Variants in TSFM observed in about 807,000 individuals in gnomAD.
TSFM encodes the protein Ts translation elongation factor, mitochondrial, also known as elongation factor Ts, mitochondrial.
Under a neutral mutation model 33.4 loss-of-function variants are expected in TSFM, and 29 were observed. The ratio of observed to expected loss-of-function variants is 0.87; its 90% CI spans 0.65 to 1.18. TSFM has a LOEUF of 1.18. TSFM is among the 50% of genes most tolerant of loss of function. The pLI, the probability that TSFM is intolerant of heterozygous loss-of-function variation, is 0.00. For missense variants in TSFM, 394 were observed against 395.6 expected, an observed-to-expected ratio of 1.00 and a Z score of 0.04; for synonymous variants, 178 against 163.5, an observed-to-expected ratio of 1.09 and a Z score of -0.68.
intron 5 of TSFM, among the ~76,000 whole-genome samples, chr12:57,794,051 T>C (rs1763337365): frequency 6.6e-6 from 1 of 152,244 alleles, no homozygotes; most frequent in South Asian, 2.1e-4. Context: ...GGGAATTTAC[T>C]AATCTGAAGT....
At chr12:57,782,932 C>G (rs1955531928) in intron 1 of TSFM, 74 bp downstream of exon 1, 1 of 1,513,532 alleles carries the variant, frequency 6.6e-7, no homozygotes, top group Non-Finnish European at 8.9e-7. Flanking sequence ...TTCCCTTCCT[C>G]CCAACCTCGT....
chr12:57,798,899 G>A (rs974819904), downstream of TSFM, among the ~76,000 whole-genome samples: 1 of 152,148 alleles, frequency 6.6e-6, no homozygotes, highest in African/African-American at 2.4e-5. Context: ...ACAGGTATGA[G>A]CCACCGTGCC....
chr12:57,790,126 C>T (rs1237055005), intron 4 of TSFM, among the ~76,000 whole-genome samples: 3 of 140,816 alleles, frequency 2.1e-5, no homozygotes, highest in Non-Finnish European at 4.5e-5. Context: ...TGCAGTGGCG[C>T]GATCTTGGCT....
In TSFM at chr12:57,792,654, A is replaced by G. The variant is rs4608121; in HGVS notation, c.484-332A>G. On this transcript the variant is annotated intron_variant, in intron 4 of 5. Transcript: ENST00000652027. ...GTTTCCCCGGCTGGAGTGCATTGGCATAATCTGAGCTCAGTGCAACCTCCG... is the reference window on the plus strand; with the variant it reads ...GTTTCCCCGGCTGGAGTGCATTGGCGTAATCTGAGCTCAGTGCAACCTCCG... Among the ~76,000 whole-genome samples, 52 of 151,268 alleles carry G rather than the reference A, an allele frequency of 3.4e-4. 1 individual carries two copies. The highest frequency in any genetic ancestry group is 3.4e-3 in the Admixed American group (51 of 15,188).
intron 2 of TSFM, among the ~76,000 whole-genome samples, chr12:57,784,828 C>T (rs932468790): frequency 4.0e-5 from 6 of 149,874 alleles, no homozygotes; most frequent in Admixed American, 1.3e-4. Flanking sequence ...TGTGGTGAGC[C>T]GAGATCGTGC....
Position 57,783,264 on chromosome 12 carries a change from G to A in TSFM, c.212G>A (p.Cys71Tyr). 2 of 1,613,802 alleles carry A rather than the reference G, an allele frequency of 1.2e-6. No homozygotes were observed. Among genetic ancestry groups the A allele is most frequent in the Middle Eastern group, 1.6e-4 (1 of 6,062 alleles). ...AATTGCAAGAAAGCTCTGGAGACTT[G>A]TGGCGGGGACCTCAAACAGGTGTGT... ...FVNCKKALET[C>Y]GGDLKQAEIW... The change falls in exon 2 of 6, where the codon TGT becomes TAT. Residue 71 changes from cysteine to tyrosine, a missense_variant. This residue lies in a region of TSFM where 208 missense variants were observed against 180.4 expected (regional missense o/e 1.15). Coordinates refer to ENST00000652027, the MANE Select transcript of TSFM (RefSeq NM_005726.6).
At chr12:57,793,948 C>T (rs1013782345) in intron 5 of TSFM, among the ~76,000 whole-genome samples, 4 of 152,298 alleles carry the variant, frequency 2.6e-5, no homozygotes, top group East Asian at 1.9e-4. Flanking sequence ...CTATAGGAAC[C>T]ACATCTGGAT....
At chr12:57,798,247 T>G (rs555194482), downstream of TSFM, among the ~76,000 whole-genome samples, 17 of 152,328 alleles carry the variant, frequency 1.1e-4, no homozygotes, top group African/African-American at 4.1e-4. Context: ...AAGCGCCAGT[T>G]TCTTGCCAGA....
At chr12:57,793,130 C>G (rs1309128141) in intron 5 of TSFM, 57 bp downstream of exon 5, 3 of 1,446,452 alleles carry the variant, frequency 2.1e-6, no homozygotes, top group Admixed American at 1.8e-5. Flanking sequence ...CTCTTGTTAT[C>G]TTGTTCCTCC....
At chr12:57,788,207 A>G (rs1375882098) in intron 4 of TSFM, among the ~76,000 whole-genome samples, 2 of 152,074 alleles carry the variant, frequency 1.3e-5, no homozygotes, top group Non-Finnish European at 2.9e-5. Flanking sequence ...TGTATTGAGT[A>G]GGTAAGTCAC....
At chr12:57,801,858 A>T (rs187485117), downstream of TSFM, among the ~76,000 whole-genome samples, 1 of 152,356 alleles carries the variant, frequency 6.6e-6, no homozygotes, top group East Asian at 1.9e-4. Context: ...ATAGGGAGCA[A>T]TACTTCTACT....
chr12:57,789,123 G>A (rs1027318270), intron 4 of TSFM, among the ~76,000 whole-genome samples: 9 of 151,680 alleles, frequency 5.9e-5, no homozygotes, highest in African/African-American at 1.2e-4. Context: ...CATCATGCCC[G>A]GCTAATTTTT....
At chr12:57,798,805 C>T (rs748587390), downstream of TSFM, among the ~76,000 whole-genome samples, 9 of 152,010 alleles carry the variant, frequency 5.9e-5, no homozygotes, top group South Asian at 4.2e-4. Flanking sequence ...TTAGTACAGA[C>T]GGGGTTTCAC....
Position 57,787,308 on chromosome 12 carries a change from C to A in TSFM, c.483+146C>A, listed in dbSNP as rs533860374. The A allele has an allele frequency of 2.3e-5, 19 of 842,642 alleles. No homozygotes were observed. The African/African-American group carries it at 2.6e-4, about 12-fold the overall frequency. 52.2% of individuals were successfully genotyped at this position (842,642 alleles called of 1,614,324 possible). A position where few individuals can be genotyped will look rare whatever the true frequency, so the allele number is the denominator to read the frequency against. On this transcript the variant is annotated intron_variant, in intron 4 of 5. Coordinates refer to ENST00000652027, the MANE Select transcript of TSFM (RefSeq NM_005726.6). ...TCTCTTTGCATAGAATTACCCTTCC[C>A]CCGTTGCTATATCCCCGTGTCATGC...
chr12:57,795,694 A>G (rs1488124206), intron 5 of TSFM, among the ~76,000 whole-genome samples: 1 of 151,954 alleles, frequency 6.6e-6, no homozygotes, highest in Non-Finnish European at 1.5e-5. Context: ...GGCTCACTGC[A>G]ACCTCCGCTT....
intron 2 of TSFM, chr12:57,784,201 G>T (rs1283727292): frequency 2.9e-6 from 2 of 695,144 alleles, no homozygotes; most frequent in South Asian, 1.5e-5. Context: ...CATAGAAAAA[G>T]TACAGTAAAT....
intron 2 of TSFM, among the ~76,000 whole-genome samples, chr12:57,784,770 C>T (rs1270845645): frequency 6.6e-6 from 1 of 151,496 alleles, no homozygotes; most frequent in Admixed American, 6.6e-5. Flanking sequence ...ATCCCAGCTA[C>T]TCGGGAGGCT....
downstream of TSFM, chr12:57,801,540 G>A (rs2140438475): frequency 1.0e-5 from 2 of 196,750 alleles, no homozygotes; most frequent in South Asian, 1.8e-4. Context: ...AGGGGTTCAA[G>A]ACTAGCCTGA....
Position 57,796,212 on chromosome 12 carries a change from G to T in TSFM, c.607G>T (p.Ala203Ser), listed in dbSNP as rs1955735886. 4 of 1,598,418 alleles carry T rather than the reference G, an allele frequency of 2.5e-6. No homozygotes were observed. Among genetic ancestry groups the T allele is most frequent in the Non-Finnish European group, 3.4e-6 (4 of 1,171,118 alleles). Residue 203 changes from alanine to serine, a missense_variant, in exon 6 of 6, where the codon GCA (alanine) becomes TCA (serine). Around this residue, in one of 3 missense-constraint regions of TSFM, gnomAD observed 186 missense variants for 198.8 expected, o/e 0.94. Transcript: ENST00000652027. ...LGENMILKRA[A>S]WVKVPSGFYV... ...AGAAAACATGATTCTTAAACGAGCTGCATGGGTGAAGGTGCCATCTGGGTT... is the reference window on the plus strand; with the variant it reads ...AGAAAACATGATTCTTAAACGAGCTTCATGGGTGAAGGTGCCATCTGGGTT...
Sources: gnomAD v4.1 joint callset for allele counts (sites outside exome capture counted in the v4.1 genomes callset) on GRCh38, gnomAD v4.1.1 for gene constraint, gnomAD v4.1.1 regional missense constraint, MANE v1.5 for transcripts, NCBI Gene and HGNC (gene_info 2026-07-23, HGNC 2026-07-21) for gene names.